FAM229B: variants seen among roughly 807,000 people sequenced by gnomAD.
FAM229B encodes the protein family with sequence similarity 229 member B, also known as protein FAM229B.
A neutral mutation model predicts 6.7 loss-of-function variants in FAM229B; 2 were observed. The ratio of observed to expected loss-of-function variants is 0.30; its 90% CI spans 0.12 to 0.94. FAM229B has a LOEUF of 0.94. Among genes scored for constraint, FAM229B ranks in the 40% least tolerant of loss-of-function variants. The probability of loss-of-function intolerance (pLI) is 0.54; values close to 1 mark genes in which losing one functional copy is unlikely to be tolerated. For synonymous variants in FAM229B, 29 were observed against 34.0 expected (o/e 0.85, Z 0.51); for missense variants, 93 against 96.2 (o/e 0.97, Z 0.14).
At chr6:112,095,660 A>C (rs1554318578) in intron 1 of FAM229B, among the ~76,000 whole-genome samples, 5 of 122,950 alleles carry the variant, frequency 4.1e-5, no homozygotes, top group African/African-American at 1.3e-4. Flanking sequence ...AAAAAAAAAA[A>C]CCAAAAAAAA....
In FAM229B at chr6:112,101,226, A is replaced by G. The variant is rs147679083; in HGVS notation, c.*439A>G. 5.7e-4 allele frequency: 90 copies of G among 156,676 alleles called. No homozygotes were observed. Among genetic ancestry groups the G allele is most frequent in the African/African-American group, 2.1e-3 (86 of 41,598 alleles). The allele number at this position is 156,676 out of a possible 1,614,324, so 9.7% of individuals were successfully genotyped here. On this transcript the variant is annotated 3_prime_UTR_variant, in exon 4 of 4. Coordinates refer to ENST00000368656, the MANE Select transcript of FAM229B (RefSeq NM_001033564.3). ...TTTCCTGGCTTGATACTATTTGATA[A>G]TGCTCTGCTCAGGAATGATTATATT...
chr6:112,100,681 G>A lies in FAM229B; in HGVS notation c.137G>A (p.Arg46Lys), dbSNP rs782302428. The A allele has an allele frequency of 1.9e-6, 3 of 1,613,322 alleles. No homozygotes were observed. In the African/African-American group the frequency reaches 4.0e-5, roughly 22 times the overall value. ...GCTTTTTTATTCAGGCAACTCCGGAGGTGCCCTGGAAGTCATTGCCTGACA... is the reference window on the plus strand; with the variant it reads ...GCTTTTTTATTCAGGCAACTCCGGAAGTGCCCTGGAAGTCATTGCCTGACA... ...KEMSPTRQLRRCPGSHCLTIT... is the reference protein window; with the variant it reads ...KEMSPTRQLRKCPGSHCLTIT... Residue 46 changes from arginine (R) to lysine (K), a missense_variant, in exon 4 of 4, where the codon AGG (arginine) becomes AAG (lysine). Physicochemically the swap from Arg to Lys is conservative, Grantham distance 26. Transcript: ENST00000368656.
rs1350829391 is a variant in FAM229B, at chr6:112,101,512, A to C, written c.*725A>C. 1 of 152,206 alleles carries C rather than the reference A, an allele frequency of 6.6e-6. No individual in the cohort carries two copies. The highest frequency in any genetic ancestry group is 2.4e-5 in the African/African-American group (1 of 41,446). 9.4% of individuals were successfully genotyped at this position (152,206 alleles called of 1,614,324 possible). ...AAATTGTTTACAGTAGGTATTGAGAAACCTCATGTGGATTTTTTAATTTGG... is the reference window on the plus strand; with the variant it reads ...AAATTGTTTACAGTAGGTATTGAGACACCTCATGTGGATTTTTTAATTTGG... On this transcript the variant is annotated 3_prime_UTR_variant, in exon 4 of 4. Coordinates refer to ENST00000368656, the MANE Select transcript of FAM229B (RefSeq NM_001033564.3).
intron 1 of FAM229B, among the ~76,000 whole-genome samples, chr6:112,089,789 A>G (rs1554318001): frequency 6.6e-6 from 1 of 152,200 alleles, no homozygotes; most frequent in African/African-American, 2.4e-5. Context: ...AATAATATGT[A>G]TGAAGGAGAC....
intron 3 of FAM229B, among the ~76,000 whole-genome samples, chr6:112,099,679 C>T (rs1018263606): frequency 6.6e-6 from 1 of 152,206 alleles, no homozygotes; most frequent in Non-Finnish European, 1.5e-5. Flanking sequence ...ATTACCTTTG[C>T]ACCAACCTAA....
chr6:112,100,319 G>T (rs1777379625), intron 3 of FAM229B, among the ~76,000 whole-genome samples: 1 of 152,184 alleles, frequency 6.6e-6, no homozygotes, highest in East Asian at 1.9e-4. Context: ...GTGATTTAGG[G>T]TGCAAATGCA....
intron 1 of FAM229B, among the ~76,000 whole-genome samples, chr6:112,091,830 A>G (rs1777260730): frequency 6.6e-6 from 1 of 152,158 alleles, no homozygotes; most frequent in Admixed American, 6.5e-5. Flanking sequence ...AAAGCAGTAT[A>G]TGTTCAAGAG....
chr6:112,100,043 A>G (rs1777376003), intron 3 of FAM229B, among the ~76,000 whole-genome samples: 2 of 152,244 alleles, frequency 1.3e-5, no homozygotes, highest in Admixed American at 6.5e-5. Context: ...AGGTGTAGGT[A>G]TTTAAAAATC....
Position 112,094,446 on chromosome 6 carries a change from C to T in FAM229B, c.-175-2595C>T, listed in dbSNP as rs587614772. Among the ~76,000 whole-genome samples the T allele has an allele frequency of 2.9e-4, 44 of 152,264 alleles. No homozygotes were observed. In the South Asian group the frequency reaches 8.5e-3, roughly 29 times the overall value. On this transcript the variant is annotated intron_variant, in intron 1 of 3. Coordinates refer to ENST00000368656, the MANE Select transcript of FAM229B (RefSeq NM_001033564.3). ...CCTTTCAGATTTTTTATTGTCTTTACTAGCATGACCTTTCCACATGCTGTT... is the reference window on the plus strand; with the variant it reads ...CCTTTCAGATTTTTTATTGTCTTTATTAGCATGACCTTTCCACATGCTGTT...
chr6:112,095,659 A>C lies in FAM229B; in HGVS notation c.-175-1382A>C, dbSNP rs1777313708. 1.5e-4 allele frequency among the ~76,000 whole-genome samples: 21 copies of C among 139,410 alleles called. No homozygotes were observed. The South Asian group carries it at 4.1e-3, about 27-fold the overall frequency. 91.5% of individuals were successfully genotyped at this position (139,410 alleles called of 152,430 possible). On this transcript the variant is annotated intron_variant, in intron 1 of 3. Transcript: ENST00000368656. ...TCAAAAAAAAAAAAAAAAAAAAAAA[A>C]ACCAAAAAAAAAAAAAAAGAAAAAA... is the stretch of plus-strand genomic sequence containing the variant.
intron 1 of FAM229B, among the ~76,000 whole-genome samples, chr6:112,091,288 A>G (rs971664921): frequency 2.0e-5 from 3 of 152,116 alleles, no homozygotes; most frequent in Non-Finnish European, 2.9e-5. Context: ...AGCTCTGAAA[A>G]TCTTTAAGGA....
intron 1 of FAM229B, among the ~76,000 whole-genome samples, chr6:112,090,856 G>A (rs6909126): frequency 0.22 from 33,994 of 151,986 alleles, 3,987 homozygotes; most frequent in East Asian, 0.32. Flanking sequence ...GAATTTTTTT[G>A]TGATGAGAAC....
intron 1 of FAM229B, among the ~76,000 whole-genome samples, chr6:112,088,253 C>CATTTAGATGGGT (rs1156713039): frequency 6.6e-6 from 1 of 152,080 alleles, no homozygotes; most frequent in African/African-American, 2.4e-5. Flanking sequence ...TAACACTAGG[C>CATTTAGATGGGT]ATTTAGATGG....
At chr6:112,088,501 A>G (rs992921031) in intron 1 of FAM229B, among the ~76,000 whole-genome samples, 7 of 152,206 alleles carry the variant, frequency 4.6e-5, no homozygotes, top group African/African-American at 1.7e-4. Flanking sequence ...GGTATGTGCT[A>G]TGAATATGTG....
chr6:112,099,348 A>G lies in FAM229B; in HGVS notation c.65A>G (p.Glu22Gly), dbSNP rs1777365851. ...GTGGAAGGAGGAGATTCTTCAATTG[A>G]GCTGGAACCTGGGCTGAGCTCCAGT... ...FPVEGGDSSI[E>G]LEPGLSSSAA... The change falls in exon 3 of 4, where the codon GAG (glutamate) becomes GGG (glycine). Residue 22 changes from glutamate (E) to glycine (G), a missense_variant. Glu to Gly is a moderately conservative substitution (Grantham distance 98). Transcript: ENST00000368656. 1 of 1,614,016 alleles carries G rather than the reference A, an allele frequency of 6.2e-7. No homozygotes were observed. Among genetic ancestry groups the G allele is most frequent in the South Asian group, 1.1e-5 (1 of 91,046 alleles).
intron 3 of FAM229B, among the ~76,000 whole-genome samples, chr6:112,100,241 A>T (rs1168068104): frequency 1.3e-5 from 2 of 152,234 alleles, no homozygotes; most frequent in East Asian, 1.9e-4. Flanking sequence ...TTTGAACAGT[A>T]TGTGGAATAC....
At chr6:112,090,026 G>C (rs1441137601) in intron 1 of FAM229B, among the ~76,000 whole-genome samples, 4 of 152,142 alleles carry the variant, frequency 2.6e-5, no homozygotes, top group Non-Finnish European at 5.9e-5. Flanking sequence ...ATGAACGGGG[G>C]AGTGGGATGA....
At position 112,101,517 on chromosome 6, in the gene FAM229B, CAT is replaced by C. The variant is rs1164588398; in HGVS notation, c.*731_*732del. The C allele has an allele frequency of 2.0e-5, 3 of 152,146 alleles. No homozygotes were observed. Among genetic ancestry groups the C allele is most frequent in the African/African-American group, 4.8e-5 (2 of 41,436 alleles). The allele number at this position is 152,146 out of a possible 1,614,324, so 9.4% of individuals were successfully genotyped here. Reference sequence around the variant, plus strand: ...GTTTACAGTAGGTATTGAGAAACCTCATGTGGATTTTTTAATTTGGTTAGATG... The same window carrying C: ...GTTTACAGTAGGTATTGAGAAACCTCGTGGATTTTTTAATTTGGTTAGATG... On this transcript the variant is annotated 3_prime_UTR_variant, in exon 4 of 4. Transcript: ENST00000368656.
At chr6:112,098,368 T>C (rs1188384043) in intron 2 of FAM229B, among the ~76,000 whole-genome samples, 6 of 152,164 alleles carry the variant, frequency 3.9e-5, no homozygotes, top group African/African-American at 1.4e-4. Context: ...TCATAATAAA[T>C]TTCATATCTC....
Sources: allele counts gnomAD v4.1 joint callset (sites outside exome capture counted in the v4.1 genomes callset), GRCh38; gene constraint gnomAD v4.1.1; transcripts MANE v1.5; gene names NCBI Gene and HGNC (gene_info 2026-07-23, HGNC 2026-07-21).